RNF38: variants seen among roughly 807,000 people sequenced by gnomAD.
The protein encoded by RNF38 is E3 ubiquitin-protein ligase RNF38.
A neutral mutation model predicts 67.2 loss-of-function variants in RNF38; 15 were observed. The ratio of observed to expected loss-of-function variants is 0.22; its 90% CI spans 0.15 to 0.34. The LOEUF (loss-of-function observed/expected upper bound fraction) is 0.34, where lower values mean the gene tolerates loss of function less well. Ranked by LOEUF, RNF38 falls within the 10% of genes least tolerant of loss-of-function variation. The probability of loss-of-function intolerance (pLI) is 1.00; values close to 1 mark genes in which losing one functional copy is unlikely to be tolerated. For missense variants in RNF38, 524 were observed against 639.9 expected (o/e 0.82, Z 1.95); for synonymous variants, 220 against 218.8 (o/e 1.01, Z -0.05).
At chr9:36,444,942 C>T in intron 1 of RNF38, among the ~76,000 whole-genome samples, 1 of 114,736 alleles carries the variant, frequency 8.7e-6, no homozygotes, top group Non-Finnish European at 1.7e-5. Flanking sequence ...TTTTTTGAGA[C>T]CTATCAGTGA....
At chr9:36,342,487 T>C in intron 10 of RNF38, 63 bp from the exon 11 acceptor site, 2 of 983,654 alleles carry the variant, frequency 2.0e-6, no homozygotes, top group Non-Finnish European at 3.3e-6. Context: ...TTATGACTAC[T>C]GAAACCTACA....
At chr9:36,400,674 T>TC (rs1158889905), upstream of RNF38, 5 of 985,564 alleles carry the variant, frequency 5.1e-6, no homozygotes, top group African/African-American at 8.7e-5. Flanking sequence ...TCCGCGGGCC[T>TC]CCTCACCCCC....
chr9:36,425,856 C>T (rs530536500), intron 1 of RNF38, among the ~76,000 whole-genome samples: 1 of 152,278 alleles, frequency 6.6e-6, no homozygotes, highest in African/African-American at 2.4e-5. Flanking sequence ...CGCCACCACG[C>T]CCAGTTAATT....
At chr9:36,484,003 G>A (rs1840340633) in intron 1 of RNF38, among the ~76,000 whole-genome samples, 1 of 152,156 alleles carries the variant, frequency 6.6e-6, no homozygotes, top group African/African-American at 2.4e-5. Context: ...GTATCACGTG[G>A]GTCAAAATTC....
At chr9:36,419,409 A>G (rs1838560466) in intron 2 of RNF38, among the ~76,000 whole-genome samples, 1 of 152,224 alleles carries the variant, frequency 6.6e-6, no homozygotes, top group African/African-American at 2.4e-5. Flanking sequence ...GAATCAGTAC[A>G]CATAAGCAGT....
intron 1 of RNF38, among the ~76,000 whole-genome samples, chr9:36,468,689 G>A (rs927500679): frequency 9.9e-5 from 15 of 152,104 alleles, no homozygotes; most frequent in African/African-American, 2.9e-4. Flanking sequence ...GCGGGTGCCT[G>A]TAATCCCAGC....
chr9:36,365,052 A>G (rs1834837707), intron 4 of RNF38, among the ~76,000 whole-genome samples: 2 of 152,318 alleles, frequency 1.3e-5, no homozygotes, highest in Admixed American at 1.3e-4. Context: ...TGTTCCAATA[A>G]AACTTTACAG....
chr9:36,397,178 C>G (rs970525723), intron 1 of RNF38, among the ~76,000 whole-genome samples: 2 of 150,922 alleles, frequency 1.3e-5, no homozygotes, highest in African/African-American at 2.4e-5. Context: ...CTGACTCGCA[C>G]AATCCTGACT....
In RNF38 at chr9:36,413,695, T is replaced by TTTTG. The variant is rs58149705; in HGVS notation, n.312+10914_312+10917dup. 9.1e-3 allele frequency among the ~76,000 whole-genome samples: 1,371 copies of TTTTG among 151,162 alleles called. 12 individuals are homozygous for TTTTG. The highest frequency in any genetic ancestry group is 0.017 in the South Asian group (82 of 4,794). ...TTTCAGCTCTTAGGTCTATTCCTAG[T>TTTTG]TTTGTTTGTTTGTTTTTGCAGCTAT... is the stretch of plus-strand genomic sequence containing the variant. On this transcript the variant is annotated intron_variant and non_coding_transcript_variant, in intron 2 of 3. Coordinates refer to the RNF38 transcript ENST00000488058.
chr9:36,396,015 C>T (rs1410716386), intron 1 of RNF38, among the ~76,000 whole-genome samples: 1 of 152,018 alleles, frequency 6.6e-6, no homozygotes, highest in Non-Finnish European at 1.5e-5. Context: ...CAGAGAACTC[C>T]CTATAAAGAT....
At chr9:36,401,206 G>GGCGGGGCGGGGCGGGGCGGGGCTGC (rs1838012097), upstream of RNF38, 5 of 979,810 alleles carry the variant, frequency 5.1e-6, no homozygotes, top group Admixed American at 3.1e-4. Flanking sequence ...AAGGGGGCGG[G>GGCGGGGCGGGGCGGGGCGGGGCTGC]GCGGGGCGGG....
At chr9:36,378,744 T>TA (rs1835973616) in intron 2 of RNF38, among the ~76,000 whole-genome samples, 1 of 152,180 alleles carries the variant, frequency 6.6e-6, no homozygotes, top group South Asian at 2.1e-4. Flanking sequence ...GTTCTTACTT[T>TA]ACAAGACATG....
chr9:36,425,629 A>G (rs542837651), intron 1 of RNF38, among the ~76,000 whole-genome samples: 32 of 152,250 alleles, frequency 2.1e-4, no homozygotes, highest in African/African-American at 7.5e-4. Flanking sequence ...GGGAAACAAG[A>G]GGTTGCAGTG....
At chr9:36,369,235 T>C (rs1310002092) in intron 4 of RNF38, among the ~76,000 whole-genome samples, 1 of 152,206 alleles carries the variant, frequency 6.6e-6, no homozygotes, top group Admixed American at 6.5e-5. Flanking sequence ...TTTCATAACC[T>C]TGATCCTTTT....
chr9:36,402,126 GAGA>G (rs1423515594), upstream of RNF38, among the ~76,000 whole-genome samples: 1 of 152,220 alleles, frequency 6.6e-6, no homozygotes, highest in East Asian at 1.9e-4. Flanking sequence ...AGAAACACAA[GAGA>G]AGGTGTTTAG....
At chr9:36,481,889 G>A (rs1263602177) in intron 1 of RNF38, among the ~76,000 whole-genome samples, 1 of 152,086 alleles carries the variant, frequency 6.6e-6, no homozygotes, top group African/African-American at 2.4e-5. Flanking sequence ...TTCAAAATTA[G>A]CTAAAAAGCC....
At chr9:36,372,287 T>C (rs541878525) in intron 3 of RNF38, among the ~76,000 whole-genome samples, 33 of 152,220 alleles carry the variant, frequency 2.2e-4, no homozygotes, top group Non-Finnish European at 4.1e-4. Flanking sequence ...TAGTTGATTT[T>C]CATGAGTACA....
At chr9:36,373,360 A>G (rs549107302) in intron 3 of RNF38, among the ~76,000 whole-genome samples, 1 of 152,326 alleles carries the variant, frequency 6.6e-6, no homozygotes, top group African/African-American at 2.4e-5. Context: ...TGCTTAATAA[A>G]CAGTCAAAGA....
intron 3 of RNF38, among the ~76,000 whole-genome samples, chr9:36,373,102 G>A (rs745471734): frequency 5.3e-5 from 8 of 152,128 alleles, no homozygotes; most frequent in Non-Finnish European, 1.0e-4. Context: ...AGCTACTTGT[G>A]AGGCTGAAGC....
Sources: allele counts gnomAD v4.1 joint callset (sites outside exome capture counted in the v4.1 genomes callset), GRCh38; gene constraint gnomAD v4.1.1; transcripts MANE v1.5; gene names NCBI Gene and HGNC (gene_info 2026-07-23, HGNC 2026-07-21).